KCNH5: variants seen among roughly 807,000 people sequenced by gnomAD.
KCNH5 encodes potassium voltage-gated channel subfamily H member 5.
In KCNH5, 46 loss-of-function variants were observed where a neutral mutation model predicts 96.1. That is an observed-to-expected ratio of 0.48 (90% CI 0.38 to 0.61). The LOEUF (loss-of-function observed/expected upper bound fraction) is 0.61, where lower values mean the gene tolerates loss of function less well. KCNH5 is among the 20% of genes least tolerant of loss of function. KCNH5 has a pLI of 0.00. For missense variants in KCNH5, 907 were observed against 1,225.8 expected (o/e 0.74, Z 3.88); for synonymous variants, 439 against 449.8 (o/e 0.98, Z 0.30).
chr14:62,910,941 A>C lies in KCNH5; in HGVS notation c.1369+39192T>G, dbSNP rs75605219. ...CACACACACACACACACACACACACACCCCTCTGTTGTTCTGTCATCCTAT... is the reference window on the plus strand; with the variant it reads ...CACACACACACACACACACACACACCCCCCTCTGTTGTTCTGTCATCCTAT... On this transcript the variant is annotated intron_variant, in intron 7 of 10. Transcript: ENST00000322893. 1.6e-3 allele frequency among the ~76,000 whole-genome samples: 232 copies of C among 140,842 alleles called. 1 individual carries two copies. Among genetic ancestry groups the C allele is most frequent in the Middle Eastern group, 3.6e-3 (1 of 274 alleles). 92.4% of individuals were successfully genotyped at this position (140,842 alleles called of 152,430 possible).
intron 7 of KCNH5, among the ~76,000 whole-genome samples, chr14:62,891,197 C>G (rs2140085240): frequency 6.6e-6 from 1 of 151,554 alleles, no homozygotes; most frequent in Admixed American, 6.6e-5. Flanking sequence ...AAATGTAGTA[C>G]ATCTACACCA....
At chr14:62,998,264 G>C (rs1228514713) in intron 4 of KCNH5, among the ~76,000 whole-genome samples, 3 of 152,166 alleles carry the variant, frequency 2.0e-5, no homozygotes, top group Admixed American at 2.0e-4. Context: ...GGCAGCTATA[G>C]AGTTGTTCGC....
At chr14:62,712,834 G>A (rs1039687199) in intron 10 of KCNH5, 11 of 697,164 alleles carry the variant, frequency 1.6e-5, no homozygotes, top group African/African-American at 1.4e-4. Context: ...CTCCAAAGCA[G>A]AGCCAGTAGG....
chr14:62,758,145 A>C (rs1885666278), intron 10 of KCNH5, among the ~76,000 whole-genome samples: 1 of 80,660 alleles, frequency 1.2e-5, no homozygotes, highest in African/African-American at 3.3e-5. Context: ...CTCCATCTCA[A>C]AAAAAAAAAA....
chr14:62,975,214 T>C (rs1329917856), intron 6 of KCNH5, among the ~76,000 whole-genome samples: 1 of 152,120 alleles, frequency 6.6e-6, no homozygotes, highest in Non-Finnish European at 1.5e-5. Context: ...AAAAAAATAT[T>C]TTTAACTATA....
intron 2 of KCNH5, among the ~76,000 whole-genome samples, 175 bp from the exon 3 acceptor site, chr14:63,006,647 C>A (rs1891134197): frequency 6.6e-6 from 1 of 152,212 alleles, no homozygotes. Flanking sequence ...TTCCTGTATG[C>A]ACAGATTTCA....
At chr14:62,819,516 A>G (rs892404500) in intron 8 of KCNH5, among the ~76,000 whole-genome samples, 1 of 152,206 alleles carries the variant, frequency 6.6e-6, no homozygotes, top group African/African-American at 2.4e-5. Flanking sequence ...GGGGATGATG[A>G]AAATGTTCTG....
intron 7 of KCNH5, among the ~76,000 whole-genome samples, chr14:62,885,160 T>A (rs939746186): frequency 2.0e-5 from 3 of 152,184 alleles, no homozygotes; most frequent in Non-Finnish European, 2.9e-5. Flanking sequence ...TCCCACCAAT[T>A]TTTTTAAAAA....
chr14:63,004,312 T>TAAAGAGGAAAAAAAGCAAAA (rs1290903635), intron 3 of KCNH5, among the ~76,000 whole-genome samples: 1 of 152,128 alleles, frequency 6.6e-6, no homozygotes, highest in Non-Finnish European at 1.5e-5. Flanking sequence ...TATCCTTCAC[T>TAAAGAGGAAAAAAAGCAAAA]AAAGAGGAAA....
At chr14:62,763,930 T>G (rs748911261) in intron 10 of KCNH5, among the ~76,000 whole-genome samples, 1 of 152,096 alleles carries the variant, frequency 6.6e-6, no homozygotes, top group Admixed American at 6.6e-5. Context: ...ACAAGACAGA[T>G]TCATACCCAA....
chr14:62,802,591 G>T lies in KCNH5; in HGVS notation c.1570-10C>A. On this transcript the variant is annotated splice_polypyrimidine_tract_variant and intron_variant, in intron 8 of 10. Transcript: ENST00000322893. Reference sequence around the variant, plus strand: ...GACAGATGGAGAGGACCTAAAGAAGGTGAGAGATGAATAAGTGAAAAGGAA... The same window carrying T: ...GACAGATGGAGAGGACCTAAAGAAGTTGAGAGATGAATAAGTGAAAAGGAA... 6.2e-7 allele frequency: 1 copy of T among 1,611,968 alleles called. No individual in the cohort carries two copies. The highest frequency in any genetic ancestry group is 8.5e-7 in the Non-Finnish European group (1 of 1,178,390).
chr14:62,912,037 CAAAAAA>C (rs1163755853), intron 7 of KCNH5, among the ~76,000 whole-genome samples: 1 of 79,666 alleles, frequency 1.3e-5, no homozygotes, highest in South Asian at 4.3e-4. Flanking sequence ...GACTCCTAAT[CAAAAAA>C]AAAAAAAAAA....
intron 1 of KCNH5, among the ~76,000 whole-genome samples, chr14:63,039,163 T>A (rs1891777620): frequency 6.6e-6 from 1 of 152,232 alleles, no homozygotes; most frequent in Admixed American, 6.5e-5. Context: ...AAAGTATCTC[T>A]TGCTATATGG....
At chr14:62,973,058 C>T (rs1890438409) in intron 6 of KCNH5, among the ~76,000 whole-genome samples, 1 of 152,146 alleles carries the variant, frequency 6.6e-6, no homozygotes, top group South Asian at 2.1e-4. Context: ...AACAGATGTA[C>T]CACTCTGGTG....
At chr14:62,831,872 C>G (rs1387040956) in intron 8 of KCNH5, among the ~76,000 whole-genome samples, 2 of 152,012 alleles carry the variant, frequency 1.3e-5, no homozygotes, top group Non-Finnish European at 2.9e-5. Context: ...CCATGTCTGG[C>G]TAGTTTTTTT....
At chr14:63,024,208 C>CAAAAAAAAAAAAAAAAAAAAAAA (rs574336970) in intron 1 of KCNH5, among the ~76,000 whole-genome samples, 2 of 140,282 alleles carry the variant, frequency 1.4e-5, no homozygotes, top group Non-Finnish European at 3.2e-5. Flanking sequence ...GACTCCATCT[C>CAAAAAAAAAAAAAAAAAAAAAAA]AAAAAATATA....
chr14:62,969,476 A>T (rs1890361870), intron 6 of KCNH5, among the ~76,000 whole-genome samples: 1 of 152,162 alleles, frequency 6.6e-6, no homozygotes, highest in Non-Finnish European at 1.5e-5. Context: ...CTTTGAAAAG[A>T]TTTTAAAAAT....
chr14:62,971,900 T>G (rs1890415468), intron 6 of KCNH5, among the ~76,000 whole-genome samples: 1 of 152,010 alleles, frequency 6.6e-6, no homozygotes, highest in African/African-American at 2.4e-5. Flanking sequence ...ACTATAAAAC[T>G]TATGGAAGAC....
intron 1 of KCNH5, among the ~76,000 whole-genome samples, chr14:63,035,483 A>C (rs1891706000): frequency 6.6e-6 from 1 of 152,174 alleles, no homozygotes; most frequent in African/African-American, 2.4e-5. Context: ...CAGAGCTACA[A>C]ATTCAATTCA....
Sources: allele counts gnomAD v4.1 joint callset (sites outside exome capture counted in the v4.1 genomes callset), GRCh38; gene constraint gnomAD v4.1.1; transcripts MANE v1.5; gene names NCBI Gene and HGNC (gene_info 2026-07-23, HGNC 2026-07-21).